The following CTNNA2 variants were observed in gnomAD, a reference collection of about 807,000 sequenced individuals.
The protein encoded by CTNNA2 is catenin alpha-2.
CTNNA2 carries 42 observed loss-of-function variants against 101.0 expected under a neutral mutation model. The ratio of observed to expected loss-of-function variants is 0.42; its 90% CI spans 0.32 to 0.54. The LOEUF (loss-of-function observed/expected upper bound fraction) is 0.54, where lower values mean the gene tolerates loss of function less well. Ranked by LOEUF, CTNNA2 falls within the 20% of genes least tolerant of loss-of-function variation. The probability of loss-of-function intolerance (pLI) is 0.14; values close to 1 mark genes in which losing one functional copy is unlikely to be tolerated. For missense variants in CTNNA2, 871 were observed against 1,223.1 expected (o/e 0.71, Z 4.29); for synonymous variants, 450 against 456.4 (o/e 0.99, Z 0.18).
intron 4 of CTNNA2, among the ~76,000 whole-genome samples, chr2:79,394,816 G>A (rs1007673378): frequency 2.0e-5 from 3 of 152,142 alleles, no homozygotes; most frequent in African/African-American, 7.2e-5. Flanking sequence ...TGTAAAAAAG[G>A]CCAAACAAGA....
At chr2:80,499,925 C>T (rs1233551944) in intron 9 of CTNNA2, among the ~76,000 whole-genome samples, 1 of 146,368 alleles carries the variant, frequency 6.8e-6, no homozygotes, top group Non-Finnish European at 1.5e-5. Context: ...ATGTTTGAAA[C>T]GTTCTACAAA....
At chr2:79,475,329 A>T (rs2104550890) in intron 4 of CTNNA2, among the ~76,000 whole-genome samples, 1 of 152,220 alleles carries the variant, frequency 6.6e-6, no homozygotes, top group South Asian at 2.1e-4. Flanking sequence ...AGAAATAGCA[A>T]TTTTTCCCCT....
intron 2 of CTNNA2, among the ~76,000 whole-genome samples, chr2:79,223,030 C>A (rs1357840467): frequency 6.6e-6 from 1 of 152,058 alleles, no homozygotes; most frequent in Admixed American, 6.6e-5. Flanking sequence ...AGTGGTGGAG[C>A]ACATTTATAG....
rs116325704 is a variant in CTNNA2, at chr2:79,827,558, A to G, written c.299-30455A>G. Among the ~76,000 whole-genome samples the G allele has an allele frequency of 4.5e-3, 680 of 152,306 alleles. 4 individuals are homozygous for G. The highest frequency in any genetic ancestry group is 0.014 in the African/African-American group (595 of 41,552). On this transcript the variant is annotated intron_variant, in intron 3 of 18. Transcript: ENST00000402739. ...ATATGGGTGATGACCAAGGAGCATG[A>G]CACATGGAATGCTTCATCATCTACC...
At position 79,921,784 on chromosome 2, in the gene CTNNA2, C is replaced by T. The variant is rs75163655; in HGVS notation, c.1056+11987C>T. Among the ~76,000 whole-genome samples, 785 of 152,318 alleles carry T rather than the reference C, an allele frequency of 5.2e-3. 10 individuals carry two copies. Among genetic ancestry groups the T allele is most frequent in the African/African-American group, 0.018 (732 of 41,580 alleles). On this transcript the variant is annotated intron_variant, in intron 7 of 18. Coordinates refer to ENST00000402739, the MANE Select transcript of CTNNA2 (RefSeq NM_001282597.3). ...CATCAACCCAGAGCTATGCCATTTA[C>T]ACCTTGAATTGAGCTTTCGTTCTAG...
chr2:79,369,925 G>A (rs1868923), intron 3 of CTNNA2, among the ~76,000 whole-genome samples: 149,006 of 152,332 alleles, frequency 0.98, 72,935 homozygotes, highest in Middle Eastern at 1. Flanking sequence ...TCCCTGTTTT[G>A]TGTGTTTGCA....
intron 1 of CTNNA2, among the ~76,000 whole-genome samples, chr2:79,528,236 CAG>C (rs1488917063): frequency 1.3e-5 from 2 of 151,526 alleles, no homozygotes; most frequent in Admixed American, 6.6e-5. Context: ...GACACGGAGA[CAG>C]GGTCTCACTG....
At chr2:80,487,297 A>AG (rs1168420997) in intron 9 of CTNNA2, among the ~76,000 whole-genome samples, 1 of 151,820 alleles carries the variant, frequency 6.6e-6, no homozygotes, top group African/African-American at 2.4e-5. Context: ...AAAAAAAAAA[A>AG]AAGTGCACAA....
At chr2:79,289,622 G>C (rs944279589) in intron 2 of CTNNA2, among the ~76,000 whole-genome samples, 3 of 152,134 alleles carry the variant, frequency 2.0e-5, no homozygotes, top group African/African-American at 7.2e-5. Context: ...ATGTGCGCCT[G>C]TAATCCCAGC....
chr2:80,279,444 G>T (rs749706280), intron 7 of CTNNA2, among the ~76,000 whole-genome samples: 1 of 152,060 alleles, frequency 6.6e-6, no homozygotes, highest in African/African-American at 2.4e-5. Flanking sequence ...TAGAAAAACC[G>T]TTTTTCTTTT....
intron 18 of CTNNA2, among the ~76,000 whole-genome samples, chr2:80,622,126 TC>T (rs1192466600): frequency 1.3e-5 from 2 of 151,954 alleles, no homozygotes; most frequent in East Asian, 3.9e-4. Flanking sequence ...TGAACCCCTT[TC>T]CCCTAAATCA....
At chr2:79,764,759 C>CTT (rs34215678) in intron 3 of CTNNA2, among the ~76,000 whole-genome samples, 3 of 152,004 alleles carry the variant, frequency 2.0e-5, no homozygotes, top group African/African-American at 7.3e-5. Flanking sequence ...TTAAAATTGC[C>CTT]TTTTTTTAAA....
intron 2 of CTNNA2, among the ~76,000 whole-genome samples, chr2:79,706,317 C>A (rs1024841539): frequency 7.2e-6 from 1 of 138,660 alleles, no homozygotes. Flanking sequence ...GAGCCGAGAT[C>A]ACGCCACTGC....
At position 79,473,053 on chromosome 2, in the gene CTNNA2, A is replaced by G. The variant is rs546762916; in HGVS notation, c.-134-32001A>G. Among the ~76,000 whole-genome samples the G allele has an allele frequency of 1.2e-4, 19 of 152,304 alleles. No individual in the cohort carries two copies. The East Asian group carries it at 3.7e-3, about 30-fold the overall frequency. ...ACTTGATTCTGTCTGAGACCTCATG[A>G]CAATGACCTTGACCATCCATGTCTT... On this transcript the variant is annotated intron_variant, in intron 4 of 21. Coordinates refer to the CTNNA2 transcript ENST00000466387.
chr2:80,303,495 A>G lies in CTNNA2; in HGVS notation c.1057-89716A>G. 1 of 1,614,210 alleles carries G rather than the reference A, an allele frequency of 6.2e-7. No individual in the cohort carries two copies. The highest frequency in any genetic ancestry group is 8.5e-7 in the Non-Finnish European group (1 of 1,180,042). ...TCCTTAACTCGGCGCAGTTTCTGAAAGGCGTCCCCCTGCACGGAGCAGATG... is the reference window on the plus strand; with the variant it reads ...TCCTTAACTCGGCGCAGTTTCTGAAGGGCGTCCCCCTGCACGGAGCAGATG... On this transcript the variant is annotated intron_variant, in intron 7 of 18. Coordinates refer to ENST00000402739, the MANE Select transcript of CTNNA2 (RefSeq NM_001282597.3). The surrounding 1 kb of genome is among the most constrained non-coding windows in gnomAD (Gnocchi z 7.7).
intron 7 of CTNNA2, among the ~76,000 whole-genome samples, chr2:80,177,758 C>A (rs11893218): frequency 0.18 from 26,677 of 152,178 alleles, 3,052 homozygotes; most frequent in African/African-American, 0.31. Context: ...CATCTATATA[C>A]CTCTTCCCCA....
intron 9 of CTNNA2, among the ~76,000 whole-genome samples, chr2:80,491,200 A>G (rs1376686920): frequency 1.3e-5 from 2 of 152,198 alleles, no homozygotes; most frequent in Non-Finnish European, 2.9e-5. Context: ...CTGATTGTTT[A>G]TCAGTCCCAG....
chr2:80,307,045 T>TTA (rs528786502), intron 7 of CTNNA2, among the ~76,000 whole-genome samples: 220 of 148,060 alleles, frequency 1.5e-3, no homozygotes, highest in South Asian at 8.6e-3. Flanking sequence ...AATAAATAAA[T>TTA]TATATATATA....
chr2:80,320,792 G>A (rs1460535932), intron 7 of CTNNA2, among the ~76,000 whole-genome samples: 1 of 152,086 alleles, frequency 6.6e-6, no homozygotes, highest in South Asian at 2.1e-4. Flanking sequence ...TGCTGTCATT[G>A]CAGCCTAGCA....
Sources: gnomAD v4.1 joint callset for allele counts (sites outside exome capture counted in the v4.1 genomes callset) on GRCh38, gnomAD v4.1.1 for gene constraint, Gnocchi (gnomAD v3.1) non-coding constraint, MANE v1.5 for transcripts, NCBI Gene and HGNC (gene_info 2026-07-23, HGNC 2026-07-21) for gene names.